The following KCNAB1 variants were observed in gnomAD, a reference collection of about 807,000 sequenced individuals.
The protein encoded by KCNAB1 is voltage-gated potassium channel subunit beta-1.
In KCNAB1, 35 loss-of-function variants were observed where a neutral mutation model predicts 64.6. The ratio of observed to expected loss-of-function variants is 0.54; its 90% CI spans 0.41 to 0.72. KCNAB1 has a LOEUF of 0.72. Ranked by LOEUF, KCNAB1 falls within the 30% of genes least tolerant of loss-of-function variation. The probability of loss-of-function intolerance (pLI) is 0.00; values close to 1 mark genes in which losing one functional copy is unlikely to be tolerated. For missense variants in KCNAB1, 401 were observed against 512.9 expected (o/e 0.78, Z 2.11); for synonymous variants, 177 against 183.8 (o/e 0.96, Z 0.30).
intron 1 of KCNAB1, among the ~76,000 whole-genome samples, chr3:156,349,533 C>A (rs555138718): frequency 6.6e-6 from 1 of 152,218 alleles, no homozygotes; most frequent in Admixed American, 6.5e-5. Flanking sequence ...CCATTTCTAC[C>A]AATTCTCCAG....
chr3:156,211,975 G>C (rs1156784864), intron 1 of KCNAB1, among the ~76,000 whole-genome samples: 2 of 152,186 alleles, frequency 1.3e-5, no homozygotes, highest in African/African-American at 4.8e-5. Context: ...GGTGATGCTG[G>C]CTAATGTGGC....
intron 1 of KCNAB1, among the ~76,000 whole-genome samples, chr3:156,343,837 C>T (rs1403814197): frequency 6.6e-6 from 1 of 152,156 alleles, no homozygotes; most frequent in Non-Finnish European, 1.5e-5. Flanking sequence ...TTAAAGAAAG[C>T]AAAGAACTTC....
intron 1 of KCNAB1, among the ~76,000 whole-genome samples, chr3:156,334,215 A>G (rs1484494174): frequency 6.6e-6 from 1 of 152,206 alleles, no homozygotes; most frequent in Non-Finnish European, 1.5e-5. Flanking sequence ...AGGAAAAAGA[A>G]CATTCCCCAT....
chr3:156,303,776 C>G (rs1176511433), intron 1 of KCNAB1, among the ~76,000 whole-genome samples: 11 of 152,126 alleles, frequency 7.2e-5, no homozygotes, highest in Admixed American at 7.2e-4. Flanking sequence ...AAGAGCCTGA[C>G]CTACTTTGCT....
chr3:156,406,561 C>G (rs994601470), intron 1 of KCNAB1, among the ~76,000 whole-genome samples: 45 of 152,246 alleles, frequency 3.0e-4, no homozygotes, highest in Middle Eastern at 3.4e-3. Flanking sequence ...CAAGCAGATG[C>G]AAATGCAAAG....
At chr3:156,214,293 G>C (rs1176386287) in intron 1 of KCNAB1, among the ~76,000 whole-genome samples, 1 of 152,112 alleles carries the variant, frequency 6.6e-6, no homozygotes, top group African/African-American at 2.4e-5. Flanking sequence ...AGTAGTCTGG[G>C]GAACTGCTAC....
At chr3:156,281,382 G>A (rs1224938478) in intron 1 of KCNAB1, among the ~76,000 whole-genome samples, 2 of 151,356 alleles carry the variant, frequency 1.3e-5, no homozygotes, top group African/African-American at 2.4e-5. Context: ...TTTTATTGAG[G>A]ATTTTTGCAT....
At chr3:156,269,104 A>G (rs898626046) in intron 1 of KCNAB1, among the ~76,000 whole-genome samples, 6 of 152,210 alleles carry the variant, frequency 3.9e-5, no homozygotes, top group African/African-American at 1.4e-4. Flanking sequence ...AGCACTATCT[A>G]TTGAAAAGAC....
At chr3:156,523,311 T>C (rs533837889) in intron 11 of KCNAB1, among the ~76,000 whole-genome samples, 1 of 152,272 alleles carries the variant, frequency 6.6e-6, no homozygotes, top group South Asian at 2.1e-4. Flanking sequence ...CAAAGCCCCA[T>C]TATAAAAAGA....
At chr3:156,254,744 A>T (rs1718009321) in intron 1 of KCNAB1, among the ~76,000 whole-genome samples, 1 of 152,172 alleles carries the variant, frequency 6.6e-6, no homozygotes. Context: ...AGGGACTTTG[A>T]CTTCCTATCC....
At chr3:156,376,710 A>C (rs1360563393) in intron 1 of KCNAB1, among the ~76,000 whole-genome samples, 2 of 152,212 alleles carry the variant, frequency 1.3e-5, no homozygotes, top group Non-Finnish European at 2.9e-5. Context: ...AAAAGGGAGA[A>C]TCTGCGGGTA....
intron 1 of KCNAB1, among the ~76,000 whole-genome samples, chr3:156,278,195 G>A (rs1273816906): frequency 6.6e-6 from 1 of 152,102 alleles, no homozygotes; most frequent in East Asian, 1.9e-4. Context: ...TGTAATAATG[G>A]CTTTTCTCAC....
intron 1 of KCNAB1, among the ~76,000 whole-genome samples, chr3:156,383,844 C>T (rs1268741494): frequency 6.6e-6 from 1 of 152,148 alleles, no homozygotes; most frequent in Non-Finnish European, 1.5e-5. Flanking sequence ...CGTTTTTCGC[C>T]CCTGAGCTGG....
chr3:156,362,051 A>T (rs542912175), intron 1 of KCNAB1, among the ~76,000 whole-genome samples: 3 of 152,344 alleles, frequency 2.0e-5, no homozygotes, highest in African/African-American at 7.2e-5. Context: ...ATTGTAAAAA[A>T]ACTAGACAAG....
intron 1 of KCNAB1, among the ~76,000 whole-genome samples, chr3:156,262,509 G>A (rs1190907585): frequency 6.6e-6 from 1 of 151,880 alleles, no homozygotes; most frequent in Non-Finnish European, 1.5e-5. Context: ...TATTTTGGGT[G>A]TAAAACCAAA....
At chr3:156,311,221 C>T (rs1357197227) in intron 1 of KCNAB1, among the ~76,000 whole-genome samples, 3 of 152,104 alleles carry the variant, frequency 2.0e-5, no homozygotes, top group East Asian at 1.9e-4. Flanking sequence ...GTGATTTAAA[C>T]GTCATGGAAT....
At chr3:156,408,451 G>T (rs979386039) in intron 1 of KCNAB1, among the ~76,000 whole-genome samples, 10 of 152,200 alleles carry the variant, frequency 6.6e-5, no homozygotes, top group Non-Finnish European at 1.2e-4. Flanking sequence ...TACTCAGAAT[G>T]GTTGCCTGTG....
intron 1 of KCNAB1, among the ~76,000 whole-genome samples, chr3:156,274,861 A>AT (rs970446089): frequency 1.1e-4 from 16 of 152,168 alleles, no homozygotes; most frequent in Admixed American, 7.9e-4. Flanking sequence ...TTTTTCTTTT[A>AT]TTTTTTTCTG....
At chr3:156,276,089 A>T (rs1399366516) in intron 1 of KCNAB1, among the ~76,000 whole-genome samples, 1 of 152,186 alleles carries the variant, frequency 6.6e-6, no homozygotes, top group East Asian at 1.9e-4. Context: ...TTACTCCTTA[A>T]TCCATGGGTT....
Sources: allele counts gnomAD v4.1 joint callset (sites outside exome capture counted in the v4.1 genomes callset), GRCh38; gene constraint gnomAD v4.1.1; transcripts MANE v1.5; gene names NCBI Gene and HGNC (gene_info 2026-07-23, HGNC 2026-07-21).